The following SLC9A9 variants were observed in gnomAD, a reference collection of about 807,000 sequenced individuals.
SLC9A9 encodes the protein solute carrier family 9 member A9, also known as sodium/hydrogen exchanger 9.
A neutral mutation model predicts 77.8 loss-of-function variants in SLC9A9; 62 were observed. That is an observed-to-expected ratio of 0.80 (90% CI 0.65 to 0.98). The LOEUF (loss-of-function observed/expected upper bound fraction) is 0.98. Ranked by LOEUF, SLC9A9 falls within the 50% of genes least tolerant of loss-of-function variation. The pLI, the probability that SLC9A9 is intolerant of heterozygous loss-of-function variation, is 0.00. For missense variants in SLC9A9, 775 were observed against 774.9 expected, an observed-to-expected ratio of 1.00 and a Z score of 0.00; for synonymous variants, 320 against 283.5, an observed-to-expected ratio of 1.13 and a Z score of -1.29.
intron 14 of SLC9A9, among the ~76,000 whole-genome samples, chr3:143,329,856 ACTTTCCTCCCAGCTTTTGTTCCGCAC>A (rs537351281): frequency 1.8e-4 from 28 of 152,124 alleles, no homozygotes; most frequent in Middle Eastern, 3.4e-3. Context: ...GTCAGCGCTC[ACTTTCCTCCCAGCTTTTGTTCCGCAC>A]CTTTCCTCCC....
At chr3:143,294,669 A>G (rs1385922158) in intron 14 of SLC9A9, among the ~76,000 whole-genome samples, 2 of 152,204 alleles carry the variant, frequency 1.3e-5, no homozygotes, top group African/African-American at 4.8e-5. Flanking sequence ...GGCCTTGTGT[A>G]TGATAACTTC....
chr3:143,729,365 G>A (rs552531177), intron 4 of SLC9A9, among the ~76,000 whole-genome samples: 1 of 152,196 alleles, frequency 6.6e-6, no homozygotes, highest in East Asian at 1.9e-4. Context: ...CTGTAAAATG[G>A]GCATAATAGT....
intron 12 of SLC9A9, among the ~76,000 whole-genome samples, chr3:143,444,994 A>G (rs759127160): frequency 1.3e-5 from 2 of 152,238 alleles, no homozygotes; most frequent in East Asian, 3.9e-4. Flanking sequence ...TTGGCCCCTG[A>G]ACATCTAACT....
chr3:143,829,968 G>T (rs1002977199), intron 2 of SLC9A9, among the ~76,000 whole-genome samples: 4 of 152,106 alleles, frequency 2.6e-5, no homozygotes, highest in African/African-American at 7.2e-5. Flanking sequence ...CAAAGAAGGG[G>T]GATGGAAGAT....
Position 143,495,356 on chromosome 3 carries a change from A to C in SLC9A9, c.1182T>G (p.Ala394=). The C allele has an allele frequency of 1.2e-6, 2 of 1,613,790 alleles. No homozygotes were observed. Among genetic ancestry groups the C allele is most frequent in the Non-Finnish European group, 1.7e-6 (2 of 1,179,664 alleles). ...ATACAAAGGCTCCAAGTATAAAAAG[A>C]GCATTAAAGATATGATTCTGGAACG... ...LFTFQNHIFN[A]LFILGAFLAI... Residue 394 remains alanine, a synonymous_variant, in exon 10 of 16, where the codon GCT becomes GCG. Transcript: ENST00000316549.
chr3:143,488,919 G>A (rs897249681), intron 11 of SLC9A9, among the ~76,000 whole-genome samples: 4 of 151,720 alleles, frequency 2.6e-5, no homozygotes, highest in African/African-American at 9.7e-5. Flanking sequence ...AGAAATAAAG[G>A]TATTCAAACT....
At chr3:143,379,990 TA>T (rs2033267254) in intron 13 of SLC9A9, among the ~76,000 whole-genome samples, 1 of 152,218 alleles carries the variant, frequency 6.6e-6, no homozygotes, top group African/African-American at 2.4e-5. Flanking sequence ...TTAGCTTAAT[TA>T]AGTTGGGTCA....
intron 5 of SLC9A9, among the ~76,000 whole-genome samples, chr3:143,675,099 C>A (rs1431195073): frequency 6.6e-6 from 1 of 152,164 alleles, no homozygotes; most frequent in East Asian, 1.9e-4. Flanking sequence ...CATTGGAGAA[C>A]CTACTAATAT....
chr3:143,551,631 A>T (rs1164784033), intron 9 of SLC9A9, among the ~76,000 whole-genome samples: 5 of 152,182 alleles, frequency 3.3e-5, no homozygotes, highest in Non-Finnish European at 7.3e-5. Context: ...GACTTTCTCA[A>T]TCCTAACTGT....
At chr3:143,496,271 G>C (rs1188396857) in intron 9 of SLC9A9, among the ~76,000 whole-genome samples, 1 of 152,144 alleles carries the variant, frequency 6.6e-6, no homozygotes, top group African/African-American at 2.4e-5. Flanking sequence ...AAGTAAAAGG[G>C]AAATGTTCCA....
intron 2 of SLC9A9, among the ~76,000 whole-genome samples, chr3:143,816,855 A>G (rs2009031131): frequency 6.6e-6 from 1 of 152,208 alleles, no homozygotes; most frequent in Non-Finnish European, 1.5e-5. Flanking sequence ...GTAAGCATGA[A>G]ATGATATCAC....
At chr3:143,598,917 G>A (rs965451621) in intron 6 of SLC9A9, among the ~76,000 whole-genome samples, 3 of 152,188 alleles carry the variant, frequency 2.0e-5, no homozygotes, top group Admixed American at 6.5e-5. Context: ...TCAGGGAACA[G>A]GAATCTTTTG....
intron 13 of SLC9A9, among the ~76,000 whole-genome samples, chr3:143,369,294 G>A (rs1168356909): frequency 2.0e-5 from 3 of 152,130 alleles, no homozygotes; most frequent in Non-Finnish European, 2.9e-5. Flanking sequence ...TTTAAAACAT[G>A]GAACTTACCT....
intron 12 of SLC9A9, among the ~76,000 whole-genome samples, chr3:143,405,372 C>T (rs1343911383): frequency 2.6e-5 from 4 of 152,174 alleles, no homozygotes; most frequent in African/African-American, 9.7e-5. Context: ...ATCTACCCTA[C>T]AAGCAAGCAG....
intron 2 of SLC9A9, among the ~76,000 whole-genome samples, chr3:143,822,477 A>C (rs1318403760): frequency 2.0e-5 from 3 of 152,166 alleles, no homozygotes; most frequent in Admixed American, 6.5e-5. Flanking sequence ...GAGACTCCAT[A>C]ACTCCAGGCA....
chr3:143,507,017 TCTTTAA>T (rs1206288405), intron 9 of SLC9A9, among the ~76,000 whole-genome samples: 2 of 151,978 alleles, frequency 1.3e-5, no homozygotes, highest in Non-Finnish European at 2.9e-5. Flanking sequence ...CAGTCCCTTT[TCTTTAA>T]CTTTTTTTAT....
intron 4 of SLC9A9, among the ~76,000 whole-genome samples, chr3:143,702,006 C>T (rs568433662): frequency 1.3e-5 from 2 of 152,234 alleles, no homozygotes; most frequent in East Asian, 1.9e-4. Context: ...GAGAGAGTGG[C>T]ATGACATATT....
At chr3:143,670,824 C>T (rs888776199) in intron 5 of SLC9A9, among the ~76,000 whole-genome samples, 18 of 152,162 alleles carry the variant, frequency 1.2e-4, no homozygotes, top group Non-Finnish European at 7.3e-5. Context: ...TATCCCTTCC[C>T]TCAGTAGCTC....
intron 6 of SLC9A9, among the ~76,000 whole-genome samples, chr3:143,610,840 A>G (rs893251235): frequency 2.6e-5 from 4 of 152,250 alleles, no homozygotes; most frequent in African/African-American, 9.6e-5. Flanking sequence ...TTTCTTAGTT[A>G]TCCTACAGTG....
Sources: gnomAD v4.1 joint callset for allele counts (sites outside exome capture counted in the v4.1 genomes callset) on GRCh38, gnomAD v4.1.1 for gene constraint, MANE v1.5 for transcripts, NCBI Gene and HGNC (gene_info 2026-07-23, HGNC 2026-07-21) for gene names.